The following FHIT variants were observed in gnomAD, a reference collection of about 807,000 sequenced individuals.
The protein encoded by FHIT is fragile histidine triad diadenosine triphosphatase.
A neutral mutation model predicts 17.9 loss-of-function variants in FHIT; 19 were observed. The ratio of observed to expected loss-of-function variants is 1.06; its 90% CI spans 0.74 to 1.56. The LOEUF is 1.56. Among genes scored for constraint, FHIT ranks in the 40% most tolerant of loss-of-function variants. The pLI, the probability that FHIT is intolerant of heterozygous loss-of-function variation, is 0.00. For synonymous variants in FHIT, 81 were observed against 69.7 expected (o/e 1.16, Z -0.81); for missense variants, 248 against 189.2 (o/e 1.31, Z -1.82).
At chr3:60,365,483 CT>C (rs1397234213) in intron 5 of FHIT, among the ~76,000 whole-genome samples, 1 of 152,108 alleles carries the variant, frequency 6.6e-6, no homozygotes, top group Non-Finnish European at 1.5e-5. Flanking sequence ...AAAATAGTAA[CT>C]GAGTCATACT....
intron 5 of FHIT, among the ~76,000 whole-genome samples, chr3:60,321,200 C>G (rs1048704601): frequency 6.6e-6 from 1 of 152,166 alleles, no homozygotes; most frequent in African/African-American, 2.4e-5. Context: ...TGACAGCAGG[C>G]CAGGTACAGT....
At position 60,922,856 on chromosome 3, in the gene FHIT, T is replaced by A. The variant is rs541104331; in HGVS notation, c.-110-100845A>T. ...GGAACAGTTAATTAAAATTGTGGAATCCTACTTTGCATCCTCTCACAGTCA... is the reference window on the plus strand; with the variant it reads ...GGAACAGTTAATTAAAATTGTGGAAACCTACTTTGCATCCTCTCACAGTCA... On this transcript the variant is annotated intron_variant, in intron 3 of 9. Coordinates refer to ENST00000492590, the MANE Select transcript of FHIT (RefSeq NM_002012.4). Among the ~76,000 whole-genome samples, 7 of 152,360 alleles carry A rather than the reference T, an allele frequency of 4.6e-5. No individual in the cohort carries two copies. In the South Asian group the frequency reaches 1.4e-3, roughly 32 times the overall value.
At chr3:61,250,803 A>G (rs2040604057) in intron 1 of FHIT, among the ~76,000 whole-genome samples, 1 of 152,176 alleles carries the variant, frequency 6.6e-6, no homozygotes, top group Non-Finnish European at 1.5e-5. Flanking sequence ...CCTGTTTTTG[A>G]AGTAGTAATG....
chr3:60,513,051 G>A (rs2035009537), intron 5 of FHIT, among the ~76,000 whole-genome samples: 1 of 152,172 alleles, frequency 6.6e-6, no homozygotes, highest in Non-Finnish European at 1.5e-5. Context: ...TGCAGTAAAT[G>A]GGGTTAGTTG....
chr3:61,158,345 T>C (rs2037588846), intron 2 of FHIT, among the ~76,000 whole-genome samples: 8 of 152,196 alleles, frequency 5.3e-5, no homozygotes, highest in Admixed American at 4.6e-4. Flanking sequence ...TATGCACACC[T>C]TTCAGAGGGC....
chr3:60,168,048 A>G lies in FHIT; in HGVS notation c.104-153896T>C, dbSNP rs115136944. Among the ~76,000 whole-genome samples, 686 of 152,218 alleles carry G rather than the reference A, an allele frequency of 4.5e-3. 3 individuals carry two copies. The highest frequency in any genetic ancestry group is 0.015 in the African/African-American group (634 of 41,532). ...CAATAAGTAAGTAAATAATAAACAA[A>G]TTTGTTATCAACTTGTCCTGAGTTG... On this transcript the variant is annotated intron_variant, in intron 5 of 9. Transcript: ENST00000492590.
intron 8 of FHIT, among the ~76,000 whole-genome samples, chr3:59,781,106 A>G (rs1460530586): frequency 6.6e-6 from 1 of 152,176 alleles, no homozygotes; most frequent in African/African-American, 2.4e-5. Context: ...CCCTTAGAAA[A>G]AGGCATGTAG....
intron 5 of FHIT, among the ~76,000 whole-genome samples, chr3:60,426,556 C>T (rs1266999569): frequency 1.3e-5 from 2 of 152,048 alleles, no homozygotes; most frequent in Admixed American, 1.3e-4. Context: ...TCATTCATTC[C>T]CTTATAGCTC....
At chr3:60,303,392 A>C (rs1172654169) in intron 5 of FHIT, among the ~76,000 whole-genome samples, 1 of 152,154 alleles carries the variant, frequency 6.6e-6, no homozygotes, top group East Asian at 1.9e-4. Context: ...TGACACAGTA[A>C]AGAATTTTGA....
intron 2 of FHIT, among the ~76,000 whole-genome samples, chr3:61,180,692 A>G (rs7621451): frequency 0.046 from 6,983 of 152,310 alleles, 514 homozygotes; most frequent in East Asian, 0.27. Flanking sequence ...CAGTCACAAA[A>G]AAGTACCAAG....
chr3:60,850,547 G>T (rs782185471), intron 3 of FHIT, among the ~76,000 whole-genome samples: 1 of 151,784 alleles, frequency 6.6e-6, no homozygotes, highest in Admixed American at 6.6e-5. Flanking sequence ...TTATTTGCTT[G>T]TTGCCCATCC....
In FHIT at chr3:59,896,688, C is replaced by T. The variant is rs367967854; in HGVS notation, c.348+25658G>A. Among the ~76,000 whole-genome samples the T allele has an allele frequency of 1.4e-3, 209 of 152,134 alleles. 1 individual carries two copies. The highest frequency in any genetic ancestry group is 4.7e-3 in the African/African-American group (194 of 41,510). On this transcript the variant is annotated intron_variant, in intron 8 of 9. Transcript: ENST00000492590. Reference sequence around the variant, plus strand: ...ACCATAGCAATGATTTTGTAAGTTTCCAAATATGGTTCAGCAGTGTGGACC... The same window carrying T: ...ACCATAGCAATGATTTTGTAAGTTTTCAAATATGGTTCAGCAGTGTGGACC...
At position 60,975,412 on chromosome 3, in the gene FHIT, T is replaced by A. The variant is rs549034049; in HGVS notation, c.-111+66635A>T. Reference sequence around the variant, plus strand: ...TTTCTCCTCTGAAAATATGCCCAGTTAATGTATGCTGAACTTGAAGTATGG... The same window carrying A: ...TTTCTCCTCTGAAAATATGCCCAGTAAATGTATGCTGAACTTGAAGTATGG... On this transcript the variant is annotated intron_variant, in intron 3 of 9. Coordinates refer to ENST00000492590, the MANE Select transcript of FHIT (RefSeq NM_002012.4). Among the ~76,000 whole-genome samples, 4 of 152,330 alleles carry A rather than the reference T, an allele frequency of 2.6e-5. No homozygotes were observed. The South Asian group carries it at 8.3e-4, about 32-fold the overall frequency.
chr3:60,692,448 A>T (rs1310448509), intron 4 of FHIT, among the ~76,000 whole-genome samples: 1 of 152,214 alleles, frequency 6.6e-6, no homozygotes, highest in Non-Finnish European at 1.5e-5. Context: ...GGACCAATGT[A>T]ATCACAAGGG....
At chr3:60,713,655 T>C (rs1469384509) in intron 4 of FHIT, among the ~76,000 whole-genome samples, 8 of 152,102 alleles carry the variant, frequency 5.3e-5, no homozygotes, top group African/African-American at 7.2e-5. Flanking sequence ...AACACCTCTA[T>C]GCAAATAAAC....
chr3:60,824,102 CAG>C (rs1287210216), intron 3 of FHIT, among the ~76,000 whole-genome samples: 6 of 152,138 alleles, frequency 3.9e-5, no homozygotes, highest in Non-Finnish European at 8.8e-5. Context: ...TACTTCTGAG[CAG>C]AGGTGAACCA....
intron 4 of FHIT, among the ~76,000 whole-genome samples, chr3:60,775,236 T>C (rs1188945018): frequency 6.6e-6 from 1 of 152,182 alleles, no homozygotes; most frequent in Admixed American, 6.5e-5. Flanking sequence ...AACTCACATC[T>C]CCACCTGTAA....
chr3:61,152,940 G>A (rs1315163455), intron 2 of FHIT, among the ~76,000 whole-genome samples: 8 of 152,018 alleles, frequency 5.3e-5, no homozygotes, highest in South Asian at 4.1e-4. Flanking sequence ...TCAGGAGATC[G>A]AGACCATCCT....
intron 4 of FHIT, among the ~76,000 whole-genome samples, chr3:60,566,721 G>A (rs2037149152): frequency 6.6e-6 from 1 of 152,082 alleles, no homozygotes; most frequent in Admixed American, 6.6e-5. Context: ...CATTGTCTCA[G>A]CCCAAAATCT....
Sources: allele counts gnomAD v4.1 joint callset (sites outside exome capture counted in the v4.1 genomes callset), GRCh38; gene constraint gnomAD v4.1.1; transcripts MANE v1.5; gene names NCBI Gene and HGNC (gene_info 2026-07-23, HGNC 2026-07-21).